Variants in PCDHA9 observed in about 807,000 individuals in gnomAD.
PCDHA9 encodes the protein protocadherin alpha 9, also known as protocadherin alpha-9.
PCDHA9 carries 62 observed loss-of-function variants against 62.0 expected under a neutral mutation model. That is an observed-to-expected ratio of 1.00 (90% confidence interval 0.81 to 1.23). The LOEUF is 1.23. Ranked by LOEUF, PCDHA9 falls within the 50% of genes most tolerant of loss-of-function variation. The pLI is 0.00. For missense variants in PCDHA9, 1,205 were observed against 1,249.8 expected (o/e 0.96, Z 0.54); for synonymous variants, 557 against 567.6 (o/e 0.98, Z 0.27).
At chr5:140,875,262 C>T (rs2055382922) in intron 1 of PCDHA9, 1 of 1,157,372 alleles carries the variant, frequency 8.6e-7, no homozygotes, top group Admixed American at 3.0e-5. Flanking sequence ...CATGATGTCG[C>T]TCTACACTCA....
At chr5:140,952,960 T>C (rs1195156838) in intron 1 of PCDHA9, among the ~76,000 whole-genome samples, 3 of 151,932 alleles carry the variant, frequency 2.0e-5, no homozygotes, top group Non-Finnish European at 4.4e-5. Flanking sequence ...GGGGAAGTGA[T>C]ACACACTTTT....
chr5:140,868,001 TG>T (rs1353110164), intron 1 of PCDHA9: 4 of 152,120 alleles, frequency 2.6e-5, no homozygotes, highest in Non-Finnish European at 5.9e-5. Context: ...TGAATATAAC[TG>T]AATTAGATTA....
intron 1 of PCDHA9, among the ~76,000 whole-genome samples, chr5:140,949,007 A>T (rs1300926078): frequency 6.6e-6 from 1 of 151,692 alleles, no homozygotes; most frequent in Non-Finnish European, 1.5e-5. Flanking sequence ...TAATTTTTAT[A>T]TGTGATGTTT....
intron 1 of PCDHA9, among the ~76,000 whole-genome samples, chr5:140,925,390 G>A (rs968466600): frequency 6.6e-6 from 1 of 152,032 alleles, no homozygotes; most frequent in Non-Finnish European, 1.5e-5. Flanking sequence ...GTCTCCTTTT[G>A]GCTCGCCTCC....
chr5:140,876,454 C>A, intron 1 of PCDHA9: 2 of 1,613,996 alleles, frequency 1.2e-6, no homozygotes, highest in Non-Finnish European at 1.7e-6. Context: ...TAAAGGGATT[C>A]CTTCCATGGC....
In PCDHA9 at chr5:140,991,828, C is replaced by T. The variant is rs1554252431; in HGVS notation, c.2542+9265C>T. Among the ~76,000 whole-genome samples, 6 of 152,168 alleles carry T rather than the reference C, an allele frequency of 3.9e-5. No homozygotes were observed. The South Asian group carries it at 6.2e-4, about 16-fold the overall frequency. The stretch of plus-strand genomic sequence containing the variant: ...CTTCCGCATTTTTAGGCATTTATAA[C>T]GGCAGAACCGCACTTCCAGATACCA... On this transcript the variant is annotated intron_variant, in intron 3 of 3. Transcript: ENST00000532602.
chr5:140,892,661 T>A (rs2063613573), intron 1 of PCDHA9, among the ~76,000 whole-genome samples: 1 of 152,232 alleles, frequency 6.6e-6, no homozygotes, highest in Non-Finnish European at 1.5e-5. Flanking sequence ...CAGAGTGACA[T>A]TTTGATACAT....
chr5:140,986,036 G>A (rs2097184937), intron 3 of PCDHA9, among the ~76,000 whole-genome samples: 2 of 152,116 alleles, frequency 1.3e-5, no homozygotes, highest in Admixed American at 1.3e-4. Context: ...ACTGCGCCTG[G>A]CCTCACTGAT....
chr5:140,965,193 A>G (rs1232668450), intron 1 of PCDHA9, among the ~76,000 whole-genome samples: 1 of 152,252 alleles, frequency 6.6e-6, no homozygotes, highest in East Asian at 1.9e-4. Flanking sequence ...CACATGAGGC[A>G]ATAGATTTCA....
At chr5:140,882,307 A>C in intron 1 of PCDHA9, 2 of 1,613,900 alleles carry the variant, frequency 1.2e-6, no homozygotes, top group Non-Finnish European at 1.7e-6. Context: ...GACCGCGGCA[A>C]CTACTGCTCT....
intron 3 of PCDHA9, among the ~76,000 whole-genome samples, chr5:140,996,006 C>G (rs962825775): frequency 6.6e-6 from 1 of 152,204 alleles, no homozygotes; most frequent in Non-Finnish European, 1.5e-5. Context: ...GTCGTCAGAA[C>G]TATTACTACT....
chr5:140,981,744 G>C (rs1586900543), intron 2 of PCDHA9, among the ~76,000 whole-genome samples: 1 of 151,900 alleles, frequency 6.6e-6, no homozygotes, highest in Admixed American at 6.6e-5. Context: ...ATTAATATGA[G>C]TTAGTATTAG....
At chr5:140,853,884 T>G in intron 1 of PCDHA9, 1 of 980,606 alleles carries the variant, frequency 1.0e-6, no homozygotes, top group South Asian at 4.8e-5. Flanking sequence ...TTTCTGTAAT[T>G]TAAAAAGATG....
intron 3 of PCDHA9, among the ~76,000 whole-genome samples, chr5:141,004,751 T>C (rs1323540564): frequency 2.0e-5 from 3 of 152,182 alleles, no homozygotes; most frequent in African/African-American, 7.2e-5. Flanking sequence ...TCTCAGTCTC[T>C]TAGAGACAGG....
intron 3 of PCDHA9, among the ~76,000 whole-genome samples, chr5:140,992,987 C>G (rs1259400627): frequency 6.6e-6 from 1 of 152,158 alleles, no homozygotes; most frequent in East Asian, 1.9e-4. Context: ...GGCCATGGGA[C>G]CCATGAAAGA....
chr5:140,875,749 G>C, intron 1 of PCDHA9: 1 of 1,614,264 alleles, frequency 6.2e-7, no homozygotes, highest in Non-Finnish European at 8.5e-7. Flanking sequence ...GATCGACCGC[G>C]AGAAGCTGTG....
At chr5:140,876,649 G>A (rs372867848) in intron 1 of PCDHA9, 6 of 1,614,222 alleles carry the variant, frequency 3.7e-6, no homozygotes, top group Non-Finnish European at 5.1e-6. Flanking sequence ...GACACCTCAT[G>A]TTCCCTTCAA....
intron 1 of PCDHA9, among the ~76,000 whole-genome samples, chr5:140,933,321 C>T (rs1266539168): frequency 2.6e-5 from 4 of 151,928 alleles, no homozygotes; most frequent in Non-Finnish European, 5.9e-5. Context: ...CTCGTATTCT[C>T]CTGTGCTGTA....
At chr5:140,875,769 C>A (rs782227729) in intron 1 of PCDHA9, 1 of 1,614,224 alleles carries the variant, frequency 6.2e-7, no homozygotes, top group South Asian at 1.1e-5. Context: ...GCGGGCGGAG[C>A]GCGGAGTGCA....
Sources: allele counts gnomAD v4.1 joint callset (sites outside exome capture counted in the v4.1 genomes callset), GRCh38; gene constraint gnomAD v4.1.1; transcripts MANE v1.5; gene names NCBI Gene and HGNC (gene_info 2026-07-23, HGNC 2026-07-21).